TUSC3: variants seen among roughly 807,000 people sequenced by gnomAD.
TUSC3 encodes the protein dolichyl-diphosphooligosaccharide--protein glycosyltransferase subunit TUSC3.
A neutral mutation model predicts 44.8 loss-of-function variants in TUSC3; 45 were observed. That is an observed-to-expected ratio of 1.00 (90% CI 0.79 to 1.29). The LOEUF is 1.29. TUSC3 is among the 50% of genes most tolerant of loss of function. The pLI is 0.00. For synonymous variants in TUSC3, 212 were observed against 152.9 expected (o/e 1.39, Z -2.85); for missense variants, 519 against 437.9 (o/e 1.19, Z -1.65).
At chr8:15,817,853 G>A in the TUSC3 span, among the ~76,000 whole-genome samples, 1 of 152,112 alleles carries the variant, frequency 6.6e-6, no homozygotes, top group Non-Finnish European at 1.5e-5. Flanking sequence ...ATGCTTCTAA[G>A]GAACTCCACC....
At chr8:15,592,053 G>C (rs1171276185) in intron 1 of TUSC3, among the ~76,000 whole-genome samples, 5 of 152,160 alleles carry the variant, frequency 3.3e-5, no homozygotes, top group African/African-American at 1.2e-4. Context: ...TAATAGTGTA[G>C]ACTGGAAGAA....
intron 2 of TUSC3, among the ~76,000 whole-genome samples, chr8:15,647,381 CTT>C (rs144402465): frequency 9.9e-5 from 15 of 152,148 alleles, no homozygotes; most frequent in Non-Finnish European, 1.6e-4. Flanking sequence ...AACCTTGTCT[CTT>C]ATGTTCATTT....
chr8:15,583,709 C>T (rs556513387), intron 1 of TUSC3, among the ~76,000 whole-genome samples: 1 of 152,226 alleles, frequency 6.6e-6, no homozygotes, highest in East Asian at 1.9e-4. Context: ...GCTGTCAAGA[C>T]TGTACATGCC....
the TUSC3 span, among the ~76,000 whole-genome samples, chr8:15,839,201 T>C: frequency 1.4e-4 from 21 of 152,340 alleles, no homozygotes; most frequent in South Asian, 2.1e-4. Context: ...TTTTTGCACA[T>C]TGATTTTATA....
chr8:15,814,837 G>A, the TUSC3 span, among the ~76,000 whole-genome samples: 1 of 152,064 alleles, frequency 6.6e-6, no homozygotes, highest in African/African-American at 2.4e-5. Context: ...CTGAAAACCA[G>A]GTGATCCAGG....
At chr8:15,511,099 A>G (rs891351591) in intron 2 of TUSC3, among the ~76,000 whole-genome samples, 1 of 152,228 alleles carries the variant, frequency 6.6e-6, no homozygotes, top group Non-Finnish European at 1.5e-5. Flanking sequence ...CCCCCAAAAA[A>G]CAAAACCCAA....
At chr8:15,650,193 G>A (rs1009894692) in intron 2 of TUSC3, among the ~76,000 whole-genome samples, 2 of 152,116 alleles carry the variant, frequency 1.3e-5, no homozygotes, top group East Asian at 1.9e-4. Flanking sequence ...TGAATAAGGT[G>A]GAGTATAAGT....
the TUSC3 span, among the ~76,000 whole-genome samples, chr8:15,775,699 CAT>C: frequency 4.4e-5 from 6 of 135,120 alleles, no homozygotes; most frequent in Admixed American, 7.4e-5. Flanking sequence ...TACACACACA[CAT>C]ATATACATAT....
chr8:15,661,206 T>C lies in TUSC3; in HGVS notation c.568-950T>C, dbSNP rs139492574. 5.2e-3 allele frequency among the ~76,000 whole-genome samples: 797 copies of C among 152,146 alleles called. 8 individuals carry two copies. Among genetic ancestry groups the C allele is most frequent in the African/African-American group, 0.018 (759 of 41,562 alleles). ...ACTTCATAGGTTTACATTTACATAA[T>C]ACTTTTATTTGAGCTACCACTACCC... On this transcript the variant is annotated intron_variant, in intron 4 of 10. Transcript: ENST00000503731.
chr8:15,595,305 C>G (rs559796202), intron 1 of TUSC3, among the ~76,000 whole-genome samples: 1 of 152,260 alleles, frequency 6.6e-6, no homozygotes, highest in East Asian at 1.9e-4. Flanking sequence ...TTCCAGGCTT[C>G]TCTTTGTGTA....
At chr8:15,653,234 G>T (rs1268685891) in intron 3 of TUSC3, among the ~76,000 whole-genome samples, 2 of 152,166 alleles carry the variant, frequency 1.3e-5, no homozygotes, top group African/African-American at 2.4e-5. Flanking sequence ...CTTGACCTCA[G>T]TGGGAGAGGC....
the TUSC3 span, among the ~76,000 whole-genome samples, chr8:15,808,058 T>C: frequency 1.3e-5 from 2 of 152,212 alleles, no homozygotes; most frequent in African/African-American, 4.8e-5. Flanking sequence ...GCTAGTATAA[T>C]TTTAAAGCAT....
chr8:15,623,097 A>G lies in TUSC3; in HGVS notation c.156A>G (p.Lys52=), dbSNP rs1394053084. Residue 52 remains lysine, a synonymous_variant, in exon 2 of 11, where the codon AAA becomes AAG. Transcript: ENST00000503731. Reference sequence around the variant, plus strand: ...AATTGCAGAATCTTTTAGCTGAAAAAGTAGAGCAGCTGATGGAATGGAGTT... The same window carrying G: ...AATTGCAGAATCTTTTAGCTGAAAAGGTAGAGCAGCTGATGGAATGGAGTT... The part of the protein sequence containing the change: ...QKKKENLLAE[K]VEQLMEWSSR... 4 of 1,613,878 alleles carry G rather than the reference A, an allele frequency of 2.5e-6. No homozygotes were observed. Among genetic ancestry groups the G allele is most frequent in the Admixed American group, 1.7e-5 (1 of 59,992 alleles).
chr8:15,570,815 A>G (rs891984897), intron 1 of TUSC3, among the ~76,000 whole-genome samples: 2 of 151,980 alleles, frequency 1.3e-5, no homozygotes, highest in Non-Finnish European at 2.9e-5. Flanking sequence ...TGCTTCTCAT[A>G]CTGAAAGAAG....
chr8:15,700,848 G>T (rs996234669), intron 6 of TUSC3, among the ~76,000 whole-genome samples: 1 of 65,928 alleles, frequency 1.5e-5, no homozygotes, highest in Non-Finnish European at 2.6e-5. Context: ...AATGGCTGGA[G>T]CTTTTTTTTT....
chr8:15,669,881 C>T lies in TUSC3; in HGVS notation c.709-3866C>T, dbSNP rs565491632. 6.9e-4 allele frequency among the ~76,000 whole-genome samples: 104 copies of T among 151,564 alleles called. 1 individual carries two copies. In the Middle Eastern group the frequency reaches 0.017, roughly 25 times the overall value. On this transcript the variant is annotated intron_variant, in intron 5 of 10. Transcript: ENST00000503731. ...ATCCCGGTAAAAATAAAATTGCCCTCCTTAGCAGATGATTTGATTTTGTAC... is the reference window on the plus strand; with the variant it reads ...ATCCCGGTAAAAATAAAATTGCCCTTCTTAGCAGATGATTTGATTTTGTAC...
At chr8:15,572,634 C>T (rs1194304972) in intron 1 of TUSC3, among the ~76,000 whole-genome samples, 2 of 152,130 alleles carry the variant, frequency 1.3e-5, no homozygotes, top group Non-Finnish European at 2.9e-5. Context: ...ACATGCCTTC[C>T]TCACTAAGTT....
At chr8:15,490,521 C>T (rs754671559) in intron 2 of TUSC3, among the ~76,000 whole-genome samples, 1 of 152,158 alleles carries the variant, frequency 6.6e-6, no homozygotes, top group Non-Finnish European at 1.5e-5. Flanking sequence ...GGAAATGCAG[C>T]CTGCAGAGGC....
At chr8:15,778,701 T>C in the TUSC3 span, among the ~76,000 whole-genome samples, 2 of 152,142 alleles carry the variant, frequency 1.3e-5, no homozygotes, top group Non-Finnish European at 2.9e-5. Context: ...AATTTCCAAA[T>C]CTGCTTTTCC....
Sources: gnomAD v4.1 joint callset for allele counts (sites outside exome capture counted in the v4.1 genomes callset) on GRCh38, gnomAD v4.1.1 for gene constraint, MANE v1.5 for transcripts, NCBI Gene and HGNC (gene_info 2026-07-23, HGNC 2026-07-21) for gene names.